The following UNC13C variants were observed in gnomAD, a reference collection of about 807,000 sequenced individuals.
UNC13C encodes the protein protein unc-13 homolog C.
UNC13C carries 174 observed loss-of-function variants against 245.4 expected under a neutral mutation model. The observed-to-expected ratio is 0.71, with a 90% CI of 0.63 to 0.80. The LOEUF is 0.80. UNC13C is among the 30% of genes least tolerant of loss of function. The pLI is 0.00. For missense variants in UNC13C, 2,829 were observed against 2,602.9 expected, an observed-to-expected ratio of 1.09 and a Z score of -1.89; for synonymous variants, 992 against 895.1, an observed-to-expected ratio of 1.11 and a Z score of -1.93.
At chr15:54,011,404 G>C (rs756569742) in intron 1 of UNC13C, among the ~76,000 whole-genome samples, 3 of 152,152 alleles carry the variant, frequency 2.0e-5, no homozygotes, top group Non-Finnish European at 4.4e-5. Flanking sequence ...AGAACCATCT[G>C]TTTCTAAGTT....
intron 4 of UNC13C, among the ~76,000 whole-genome samples, chr15:54,218,572 A>G (rs1460719857): frequency 6.6e-6 from 1 of 151,986 alleles, no homozygotes; most frequent in Non-Finnish European, 1.5e-5. Flanking sequence ...CAAAGACAGA[A>G]GTTGAAAGAG....
At chr15:54,375,688 T>C (rs1260665904) in intron 17 of UNC13C, among the ~76,000 whole-genome samples, 1 of 152,174 alleles carries the variant, frequency 6.6e-6, no homozygotes, top group Non-Finnish European at 1.5e-5. Context: ...TCTTAAAGAA[T>C]CAAGCCTTCC....
At chr15:53,993,016 C>T (rs1237112926) in intron 1 of UNC13C, among the ~76,000 whole-genome samples, 5 of 152,068 alleles carry the variant, frequency 3.3e-5, no homozygotes, top group East Asian at 3.9e-4. Flanking sequence ...TAATACACCA[C>T]GGACTATCCA....
chr15:54,073,870 C>T (rs1196167426), intron 2 of UNC13C, among the ~76,000 whole-genome samples: 1 of 152,096 alleles, frequency 6.6e-6, no homozygotes, highest in Non-Finnish European at 1.5e-5. Flanking sequence ...TGTGCAGAAG[C>T]TCTTTCATTT....
intron 2 of UNC13C, among the ~76,000 whole-genome samples, chr15:54,034,556 A>G (rs932753679): frequency 3.3e-5 from 5 of 152,208 alleles, no homozygotes; most frequent in African/African-American, 1.2e-4. Flanking sequence ...TTCCTTAAAA[A>G]GTCACTATCT....
chr15:54,338,984 A>G (rs570135824), intron 17 of UNC13C, among the ~76,000 whole-genome samples: 1 of 152,262 alleles, frequency 6.6e-6, no homozygotes, highest in Non-Finnish European at 1.5e-5. Flanking sequence ...CTCCTGCCTC[A>G]GGCTCCCCAG....
At chr15:54,414,503 C>T (rs906536787) in intron 18 of UNC13C, among the ~76,000 whole-genome samples, 4 of 152,030 alleles carry the variant, frequency 2.6e-5, no homozygotes, top group Non-Finnish European at 4.4e-5. Flanking sequence ...AAAAATTAGC[C>T]GGGCATGGTG....
the UNC13C span, among the ~76,000 whole-genome samples, chr15:53,946,070 T>G: frequency 6.6e-6 from 1 of 152,114 alleles, no homozygotes; most frequent in East Asian, 1.9e-4. Flanking sequence ...GCTAGTGAGT[T>G]TTGTCCATTG....
intron 10 of UNC13C, among the ~76,000 whole-genome samples, chr15:54,277,396 AT>A (rs770143841): frequency 1.3e-5 from 2 of 152,194 alleles, no homozygotes; most frequent in Non-Finnish European, 2.9e-5. Flanking sequence ...GATTAGATCC[AT>A]ATCATCTTTT....
chr15:54,088,936 T>G (rs1183139823), intron 2 of UNC13C, among the ~76,000 whole-genome samples: 1 of 152,138 alleles, frequency 6.6e-6, no homozygotes, highest in Non-Finnish European at 1.5e-5. Context: ...CTACCTGGCT[T>G]TGGGGTCAGA....
At chr15:54,426,678 G>T (rs1350625517) in intron 19 of UNC13C, among the ~76,000 whole-genome samples, 1 of 151,610 alleles carries the variant, frequency 6.6e-6, no homozygotes, top group East Asian at 1.9e-4. Flanking sequence ...TTTAAAGGCT[G>T]CCTACCATGG....
chr15:54,274,766 G>T (rs2036786694), intron 10 of UNC13C, among the ~76,000 whole-genome samples: 1 of 141,162 alleles, frequency 7.1e-6, no homozygotes, highest in African/African-American at 2.7e-5. Context: ...CCGCCTCCTG[G>T]GTTCACCCCA....
chr15:54,531,816 T>C (rs1475408568), intron 25 of UNC13C, among the ~76,000 whole-genome samples: 1 of 152,114 alleles, frequency 6.6e-6, no homozygotes, highest in East Asian at 1.9e-4. Flanking sequence ...CCTATACCCA[T>C]TAGCAATAAG....
intron 30 of UNC13C, among the ~76,000 whole-genome samples, chr15:54,617,711 A>T (rs1342192199): frequency 6.6e-6 from 1 of 152,134 alleles, no homozygotes; most frequent in Non-Finnish European, 1.5e-5. Flanking sequence ...GAGAGAGTAA[A>T]AAAAGCTTAA....
chr15:54,362,262 G>C (rs2039250566), intron 17 of UNC13C, among the ~76,000 whole-genome samples: 1 of 152,196 alleles, frequency 6.6e-6, no homozygotes, highest in African/African-American at 2.4e-5. Context: ...AAGATTATCA[G>C]ACCAGTGGAG....
intron 10 of UNC13C, among the ~76,000 whole-genome samples, chr15:54,270,601 C>A (rs985078437): frequency 1.3e-5 from 2 of 151,850 alleles, no homozygotes; most frequent in African/African-American, 4.8e-5. Context: ...CAGTAATAGT[C>A]CCATGCCAAA....
intron 2 of UNC13C, among the ~76,000 whole-genome samples, chr15:54,017,020 G>C (rs537959486): frequency 1.2e-4 from 18 of 152,298 alleles, no homozygotes; most frequent in African/African-American, 4.1e-4. Context: ...GAGCCATTTT[G>C]TGGTTGATGT....
At chr15:54,235,206 T>G in intron 5 of UNC13C, 98 bp downstream of exon 5, 1 of 983,958 alleles carries the variant, frequency 1.0e-6, no homozygotes, top group East Asian at 2.6e-5. Flanking sequence ...CCTGTAAATA[T>G]TCCATGGAAT....
intron 2 of UNC13C, among the ~76,000 whole-genome samples, chr15:54,069,669 G>T (rs900191325): frequency 1.3e-5 from 2 of 152,178 alleles, no homozygotes; most frequent in African/African-American, 4.8e-5. Flanking sequence ...AAAAGGAGAA[G>T]AAAGAATGTT....
Sources: allele counts gnomAD v4.1 joint callset (sites outside exome capture counted in the v4.1 genomes callset), GRCh38; gene constraint gnomAD v4.1.1; transcripts MANE v1.5; gene names NCBI Gene and HGNC (gene_info 2026-07-23, HGNC 2026-07-21).